ANO6: variants seen among roughly 807,000 people sequenced by gnomAD.
ANO6 encodes anoctamin 6.
In ANO6, 106 loss-of-function variants were observed where a neutral mutation model predicts 117.5. The ratio of observed to expected loss-of-function variants is 0.90; its 90% CI spans 0.77 to 1.06. The LOEUF is 1.06. ANO6 is among the 50% of genes least tolerant of loss of function. The pLI is 0.00. For synonymous variants in ANO6, 367 were observed against 385.1 expected (o/e 0.95, Z 0.55); for missense variants, 955 against 1,121.1 (o/e 0.85, Z 2.12).
chr12:45,394,826 C>G (rs1233451289), intron 12 of ANO6, among the ~76,000 whole-genome samples: 1 of 152,196 alleles, frequency 6.6e-6, no homozygotes, highest in Non-Finnish European at 1.5e-5. Flanking sequence ...GCCAGAATCT[C>G]TGAGACACAT....
intron 1 of ANO6, among the ~76,000 whole-genome samples, chr12:45,251,021 C>T (rs1947893597): frequency 6.6e-6 from 1 of 151,594 alleles, no homozygotes; most frequent in South Asian, 2.1e-4. Context: ...CACAGTGAGC[C>T]CTGACAGCGC....
chr12:45,323,017 G>T (rs1190317226), intron 2 of ANO6, among the ~76,000 whole-genome samples: 1 of 152,116 alleles, frequency 6.6e-6, no homozygotes, highest in Non-Finnish European at 1.5e-5. Flanking sequence ...TTGTCTCAAT[G>T]GTTAGTACAT....
intron 1 of ANO6, among the ~76,000 whole-genome samples, chr12:45,267,112 G>A (rs1483486535): frequency 3.3e-5 from 5 of 152,074 alleles, no homozygotes; most frequent in Admixed American, 3.3e-4. Flanking sequence ...GTTTGCTGGG[G>A]CTGCCATGAC....
intron 1 of ANO6, among the ~76,000 whole-genome samples, chr12:45,248,665 G>A (rs768313523): frequency 9.9e-5 from 15 of 152,004 alleles, no homozygotes; most frequent in Admixed American, 3.9e-4. Flanking sequence ...TGACCCGCCC[G>A]CCTCAGCTTC....
At chr12:45,320,399 G>C (rs1056489723) in intron 2 of ANO6, among the ~76,000 whole-genome samples, 4 of 152,110 alleles carry the variant, frequency 2.6e-5, no homozygotes, top group African/African-American at 9.7e-5. Flanking sequence ...TCAGGAGCAG[G>C]TTGTTCAGTT....
At chr12:45,288,413 C>T (rs184584216) in intron 1 of ANO6, among the ~76,000 whole-genome samples, 81 of 151,800 alleles carry the variant, frequency 5.3e-4, no homozygotes, top group African/African-American at 1.6e-3. Flanking sequence ...ATTCCCCCTT[C>T]TCCTGGCAAC....
intron 2 of ANO6, among the ~76,000 whole-genome samples, chr12:45,303,723 A>T (rs1188160761): frequency 2.0e-5 from 3 of 152,172 alleles, no homozygotes; most frequent in Non-Finnish European, 4.4e-5. Context: ...GTGGAAGAAG[A>T]CAGCTAGTCT....
chr12:45,394,363 C>CT (rs1221964482), intron 12 of ANO6, among the ~76,000 whole-genome samples: 9 of 152,220 alleles, frequency 5.9e-5, no homozygotes, highest in Middle Eastern at 3.4e-3. Context: ...CCTTAGAGAC[C>CT]TGCAAAGAGA....
chr12:45,367,900 TA>T (rs1423029380), intron 9 of ANO6, 107 bp downstream of exon 9: 3 of 839,094 alleles, frequency 3.6e-6, no homozygotes, highest in African/African-American at 1.7e-5. Context: ...GGAATTAAGA[TA>T]TTTTTCAACT....
At chr12:45,294,962 G>A (rs182186226) in intron 1 of ANO6, among the ~76,000 whole-genome samples, 16 of 152,218 alleles carry the variant, frequency 1.1e-4, no homozygotes, top group East Asian at 7.7e-4. Flanking sequence ...GAGTCTTCAC[G>A]TCAGTTTCAT....
intron 2 of ANO6, among the ~76,000 whole-genome samples, chr12:45,308,048 A>ATATTTTT (rs1939728865): frequency 1.4e-5 from 1 of 69,296 alleles, no homozygotes; most frequent in Admixed American, 2.4e-4. Context: ...TGTGTGTGTA[A>ATATTTTT]TTTTTTTTTT....
At chr12:45,343,102 A>T (rs1941027416) in intron 3 of ANO6, among the ~76,000 whole-genome samples, 1 of 152,132 alleles carries the variant, frequency 6.6e-6, no homozygotes, top group Admixed American at 6.5e-5. Context: ...CGTAAGGAGC[A>T]CCTTAAAAGT....
chr12:45,328,756 GT>G (rs1279973790), intron 2 of ANO6, among the ~76,000 whole-genome samples: 1 of 151,998 alleles, frequency 6.6e-6, no homozygotes, highest in South Asian at 2.1e-4. Context: ...TATTATTACA[GT>G]TTTTTTCCCT....
At chr12:45,359,069 C>G (rs1392472263) in intron 8 of ANO6, among the ~76,000 whole-genome samples, 1 of 152,208 alleles carries the variant, frequency 6.6e-6, no homozygotes, top group East Asian at 1.9e-4. Flanking sequence ...CAGGCGTGAG[C>G]CACTGTGCCC....
chr12:45,265,659 A>G lies in ANO6; in HGVS notation c.71-36355A>G, dbSNP rs574418385. 3.9e-5 allele frequency among the ~76,000 whole-genome samples: 6 copies of G among 152,160 alleles called. No homozygotes were observed. In the East Asian group the frequency reaches 5.8e-4, roughly 15 times the overall value. Reference sequence around the variant, plus strand: ...CCTTCCCGATTCTTGTCATTTCTCTACCACCTCCAGTCCATTCTGCACATC... The same window carrying G: ...CCTTCCCGATTCTTGTCATTTCTCTGCCACCTCCAGTCCATTCTGCACATC... On this transcript the variant is annotated intron_variant, in intron 1 of 19. Coordinates refer to ENST00000320560, the MANE Select transcript of ANO6 (RefSeq NM_001025356.3).
At chr12:45,249,792 TA>T (rs1396903444) in intron 1 of ANO6, among the ~76,000 whole-genome samples, 4 of 152,260 alleles carry the variant, frequency 2.6e-5, no homozygotes, top group Non-Finnish European at 4.4e-5. Context: ...TACAGTGCGC[TA>T]GCCCTGTGTA....
intron 9 of ANO6, among the ~76,000 whole-genome samples, chr12:45,370,713 A>G (rs530843447): frequency 6.6e-6 from 1 of 152,354 alleles, no homozygotes; most frequent in South Asian, 2.1e-4. Context: ...ATGGTTCCAT[A>G]AGAGTCAAAG....
intron 1 of ANO6, among the ~76,000 whole-genome samples, chr12:45,293,762 T>G (rs1565669740): frequency 6.8e-6 from 1 of 147,218 alleles, no homozygotes; most frequent in East Asian, 2.0e-4. Context: ...TTTTTGTATT[T>G]TTAGTAGAGA....
At chr12:45,392,584 A>T (rs1038351799) in intron 12 of ANO6, among the ~76,000 whole-genome samples, 3 of 152,152 alleles carry the variant, frequency 2.0e-5, no homozygotes, top group African/African-American at 7.2e-5. Flanking sequence ...TAACTGGGAA[A>T]CACCTACCAC....
Sources: gnomAD v4.1 joint callset for allele counts (sites outside exome capture counted in the v4.1 genomes callset) on GRCh38, gnomAD v4.1.1 for gene constraint, MANE v1.5 for transcripts, NCBI Gene and HGNC (gene_info 2026-07-23, HGNC 2026-07-21) for gene names.